Variants in ACTN2 observed in about 807,000 individuals in gnomAD.
ACTN2 encodes alpha-actinin-2.
ACTN2 carries 39 observed loss-of-function variants against 113.8 expected under a neutral mutation model. The observed-to-expected ratio is 0.34, with a 90% CI of 0.27 to 0.45. The LOEUF is 0.45. Among genes scored for constraint, ACTN2 ranks in the 20% least tolerant of loss-of-function variants. The pLI is 1.00. For missense variants in ACTN2, 992 were observed against 1,177.9 expected (o/e 0.84, Z 2.31); for synonymous variants, 429 against 444.1 (o/e 0.97, Z 0.43).
intron 7 of ACTN2, chr1:236,734,504 G>T: frequency 6.5e-7 from 1 of 1,535,110 alleles, no homozygotes; most frequent in Non-Finnish European, 8.7e-7. Context: ...TCATGCTTTT[G>T]CTGGTGCACA....
chr1:236,710,814 A>T (rs1301406405), intron 1 of ACTN2, among the ~76,000 whole-genome samples: 1 of 152,202 alleles, frequency 6.6e-6, no homozygotes, highest in Non-Finnish European at 1.5e-5. Flanking sequence ...CCAGAAATCT[A>T]CATTGTGCGC....
At chr1:236,709,583 T>C (rs1402631361) in intron 1 of ACTN2, among the ~76,000 whole-genome samples, 1 of 151,446 alleles carries the variant, frequency 6.6e-6, no homozygotes, top group African/African-American at 2.4e-5. Flanking sequence ...GTGATGAGTG[T>C]TGGGGAAGGC....
chr1:236,754,550 C>T lies in ACTN2; in HGVS notation c.1974+469C>T, dbSNP rs894348197. 6.6e-6 allele frequency among the ~76,000 whole-genome samples: 1 copy of T among 152,154 alleles called. No homozygotes were observed. Among genetic ancestry groups the T allele is most frequent in the Non-Finnish European group, 1.5e-5 (1 of 68,038 alleles). Reference sequence around the variant, plus strand: ...TTATTGACCCACTTATTTCTTGTCCCACCACCCTTTTGGTGTTGAAATATT... The same window carrying T: ...TTATTGACCCACTTATTTCTTGTCCTACCACCCTTTTGGTGTTGAAATATT... On this transcript the variant is annotated intron_variant, in intron 16 of 20. Coordinates refer to ENST00000366578, the MANE Select transcript of ACTN2 (RefSeq NM_001103.4). The surrounding 1 kb of genome is among the most constrained non-coding windows in gnomAD (Gnocchi z 4.9).
At chr1:236,741,440 G>T (rs1175681875) in intron 10 of ACTN2, among the ~76,000 whole-genome samples, 1 of 152,124 alleles carries the variant, frequency 6.6e-6, no homozygotes, top group African/African-American at 2.4e-5. Flanking sequence ...TATCCACCTG[G>T]ATATATTATA....
chr1:236,702,757 A>C (rs913027768), intron 1 of ACTN2, among the ~76,000 whole-genome samples: 5 of 152,126 alleles, frequency 3.3e-5, no homozygotes, highest in Non-Finnish European at 7.4e-5. Context: ...AGTTTTCCCC[A>C]TATGTAGGGG....
In ACTN2 at chr1:236,745,211, A is replaced by G. The variant is rs930020348; in HGVS notation, c.1406+435A>G. 4.6e-5 allele frequency among the ~76,000 whole-genome samples: 7 copies of G among 151,952 alleles called. No individual in the cohort carries two copies. The East Asian group carries it at 9.7e-4, about 21-fold the overall frequency. ...GCACTTTGGGAGGCTGAGGCGGGCGAATCATGAGGTCAGGAGATCGAGACC... is the reference window on the plus strand; with the variant it reads ...GCACTTTGGGAGGCTGAGGCGGGCGGATCATGAGGTCAGGAGATCGAGACC... On this transcript the variant is annotated intron_variant, in intron 12 of 20. Coordinates refer to ENST00000366578, the MANE Select transcript of ACTN2 (RefSeq NM_001103.4).
In ACTN2 at chr1:236,743,010, C is replaced by A; in HGVS notation, c.1222C>A (p.Gln408Lys). The A allele has an allele frequency of 6.2e-7, 1 of 1,614,156 alleles. No individual in the cohort carries two copies. Among genetic ancestry groups the A allele is most frequent in the South Asian group, 1.1e-5 (1 of 91,088 alleles). ...RLEHLAEKFR[Q>K]KASTHETWAY... ...GGAACACCTGGCTGAGAAGTTCAGG[C>A]AGAAGGCCTCAACGCACGAGACTTG... is the stretch of plus-strand genomic sequence containing the variant. The change falls in exon 11 of 21, where the codon CAG (glutamine) becomes AAG (lysine). Residue 408 changes from glutamine to lysine, a missense_variant. Gln to Lys is a moderately conservative substitution (Grantham distance 53). This residue lies in a region of ACTN2 where 736 missense variants were observed against 815.4 expected (regional missense o/e 0.90). Coordinates refer to ENST00000366578, the MANE Select transcript of ACTN2 (RefSeq NM_001103.4).
intron 9 of ACTN2, 83 bp downstream of exon 9, chr1:236,737,297 G>GTATGTATATATATATATATATATATATA: frequency 9.3e-6 from 3 of 322,238 alleles, no homozygotes; most frequent in East Asian, 1.2e-4. Flanking sequence ...CTCCGTGGGG[G>GTATGTATATATATATATATATATATATA]CATATATATA....
At chr1:236,736,911 G>A (rs758140726) in intron 8 of ACTN2, 77 of 621,166 alleles carry the variant, frequency 1.2e-4, no homozygotes, top group Non-Finnish European at 1.7e-4. Context: ...TCAGCCTGCC[G>A]TGTAAGTCTG....
intron 7 of ACTN2, among the ~76,000 whole-genome samples, chr1:236,735,371 A>G (rs1244496980): frequency 6.6e-6 from 1 of 151,498 alleles, no homozygotes; most frequent in Non-Finnish European, 1.5e-5. Context: ...ATGCACCTTT[A>G]AAAGCCCATC....
intron 15 of ACTN2, among the ~76,000 whole-genome samples, chr1:236,753,386 C>T (rs776295123): frequency 3.3e-5 from 5 of 152,060 alleles, no homozygotes; most frequent in Admixed American, 1.3e-4. Flanking sequence ...GCTGAGTGTA[C>T]GTGATATTTG....
In ACTN2 at chr1:236,742,931, T is replaced by C. The variant is rs1659115617; in HGVS notation, c.1143T>C (p.Ala381=). The stretch of plus-strand genomic sequence containing the variant: ...GTGCCTGGCAGAGGCTGGAGCAGGC[T>C]GAGAAGGGTTACGAGGAGTGGTTGC... ...IAGAWQRLEQ[A]EKGYEEWLLN... The change falls in exon 11 of 21, where the codon GCT becomes GCC. Residue 381 remains alanine, a synonymous_variant. Transcript: ENST00000366578. 1.2e-6 allele frequency: 2 copies of C among 1,614,052 alleles called. No homozygotes were observed. Among genetic ancestry groups the C allele is most frequent in the Admixed American group, 1.7e-5 (1 of 60,004 alleles).
chr1:236,752,743 AGGTTTCACTATGTT>A (rs58816173), intron 15 of ACTN2, among the ~76,000 whole-genome samples: 125,187 of 151,152 alleles, frequency 0.83, 52,089 homozygotes, highest in South Asian at 0.88. Flanking sequence ...GATAGAGATG[AGGTTTCACTATGTT>A]GGCCAGGCTG....
At chr1:236,731,803 A>G (rs1251703982) in intron 7 of ACTN2, among the ~76,000 whole-genome samples, 3 of 152,228 alleles carry the variant, frequency 2.0e-5, no homozygotes, top group Non-Finnish European at 2.9e-5. Flanking sequence ...AAACTTTCAC[A>G]TATTGTTTTT....
chr1:236,704,717 A>G lies in ACTN2; in HGVS notation c.127-13141A>G, dbSNP rs574188468. ...GCATAGCTTCTATGCCCTCCCCAGC[A>G]GGTCGCCCTCCAGGAACCTCCACGT... On this transcript the variant is annotated intron_variant, in intron 1 of 20. Transcript: ENST00000366578. Among the ~76,000 whole-genome samples the G allele has an allele frequency of 6.2e-4, 94 of 152,330 alleles. 1 individual carries two copies. The South Asian group carries it at 0.011, about 17-fold the overall frequency.
At position 236,763,172 on chromosome 1, in the gene ACTN2, G is replaced by T; in HGVS notation, c.*553G>T. On this transcript the variant is annotated 3_prime_UTR_variant, in exon 21 of 21. Coordinates refer to ENST00000366578, the MANE Select transcript of ACTN2 (RefSeq NM_001103.4). ...TAATATTGTGAGATGGAACTGCCGG[G>T]GATTAAAAAGACTACCCAAAAGATT... The T allele has an allele frequency of 6.3e-6, 1 of 158,180 alleles. No individual in the cohort carries two copies. The allele number at this position is 158,180 out of a possible 1,614,324, so 9.8% of individuals were successfully genotyped here.
chr1:236,751,639 C>T lies in ACTN2; in HGVS notation c.1826C>T (p.Thr609Ile). 6.2e-7 allele frequency: 1 copy of T among 1,613,910 alleles called. No individual in the cohort carries two copies. The highest frequency in any genetic ancestry group is 1.1e-5 in the South Asian group (1 of 91,072). Residue 609 changes from threonine (T) to isoleucine (I), a missense_variant, in exon 15 of 21, where the codon ACC (threonine) becomes ATC (isoleucine). Transcript: ENST00000366578. Reference sequence around the variant, plus strand: ...ACTGTCACCATGGATGAGCTCCGGACCAAGTGGGACAAGGTGGGTGGCTGA... The same window carrying T: ...ACTGTCACCATGGATGAGCTCCGGATCAAGTGGGACAAGGTGGGTGGCTGA... ...YSTVTMDELR[T>I]KWDKVKQLVP...
intron 12 of ACTN2, among the ~76,000 whole-genome samples, chr1:236,745,453 C>T (rs1209045952): frequency 6.6e-6 from 1 of 152,102 alleles, no homozygotes; most frequent in African/African-American, 2.4e-5. Context: ...AAAAACAAAA[C>T]AAAATAAAAC....
intron 12 of ACTN2, among the ~76,000 whole-genome samples, chr1:236,745,411 G>A (rs951280445): frequency 2.0e-5 from 3 of 152,192 alleles, no homozygotes; most frequent in African/African-American, 7.2e-5. Flanking sequence ...TCCAGCCTGG[G>A]CGACAGAGCG....
Sources: gnomAD v4.1 joint callset for allele counts (sites outside exome capture counted in the v4.1 genomes callset) on GRCh38, gnomAD v4.1.1 for gene constraint, gnomAD v4.1.1 regional missense constraint, Gnocchi (gnomAD v3.1) non-coding constraint, MANE v1.5 for transcripts, NCBI Gene and HGNC (gene_info 2026-07-23, HGNC 2026-07-21) for gene names.